CEP128: variants seen among roughly 807,000 people sequenced by gnomAD.
The protein encoded by CEP128 is centrosomal protein 128, also known as centrosomal protein 128kDa.
In CEP128, 132 loss-of-function variants were observed where a neutral mutation model predicts 156.7. The observed-to-expected ratio is 0.84, with a 90% CI of 0.73 to 0.97. The LOEUF (loss-of-function observed/expected upper bound fraction) is 0.97. Ranked by LOEUF, CEP128 falls within the 50% of genes least tolerant of loss-of-function variation. CEP128 has a pLI of 0.00. For missense variants in CEP128, 1,252 were observed against 1,281.9 expected (o/e 0.98, Z 0.36); for synonymous variants, 469 against 448.9 (o/e 1.04, Z -0.57).
At position 80,759,961 on chromosome 14, in the gene CEP128, C is replaced by T. The variant is rs150426008; in HGVS notation, c.2553+1476G>A. On this transcript the variant is annotated intron_variant, in intron 17 of 24. Coordinates refer to ENST00000555265, the MANE Select transcript of CEP128 (RefSeq NM_152446.5). ...ACATATATATATCTTACAACATGAT[C>T]CAAATGTTTCCATTTTACCTTCCTA... Among the ~76,000 whole-genome samples, 1,029 of 151,450 alleles carry T rather than the reference C, an allele frequency of 6.8e-3. 12 individuals are homozygous for T. The highest frequency in any genetic ancestry group is 0.024 in the African/African-American group (974 of 41,270).
chr14:80,852,691 A>G (rs1377946964), intron 9 of CEP128, among the ~76,000 whole-genome samples: 1 of 151,980 alleles, frequency 6.6e-6, no homozygotes, highest in African/African-American at 2.4e-5. Flanking sequence ...CACCAAAAAG[A>G]TATTAGACAC....
chr14:80,660,129 G>A (rs957509488), intron 19 of CEP128, among the ~76,000 whole-genome samples: 8 of 152,106 alleles, frequency 5.3e-5, no homozygotes, highest in African/African-American at 1.9e-4. Context: ...ACCATCATAA[G>A]TTTATTTTAT....
At chr14:80,944,776 C>T (rs1439839027), upstream of CEP128, among the ~76,000 whole-genome samples, 13 of 126,676 alleles carry the variant, frequency 1.0e-4, no homozygotes, top group Admixed American at 7.6e-4. Flanking sequence ...GAGCCGAGAT[C>T]GTGCCACTGC....
chr14:80,604,597 C>A (rs185758306), intron 19 of CEP128, among the ~76,000 whole-genome samples: 73 of 152,244 alleles, frequency 4.8e-4, no homozygotes, highest in Non-Finnish European at 9.0e-4. Flanking sequence ...CAGCTTAAAA[C>A]GTATCCTCGG....
intron 9 of CEP128, among the ~76,000 whole-genome samples, chr14:80,849,637 T>A (rs7143407): frequency 0.32 from 48,312 of 151,852 alleles, 8,704 homozygotes; most frequent in Non-Finnish European, 0.4. Context: ...TAATATTTTT[T>A]AAAAAGGGAT....
intron 19 of CEP128, among the ~76,000 whole-genome samples, chr14:80,640,253 T>C (rs143827302): frequency 1.1e-3 from 172 of 152,234 alleles, no homozygotes; most frequent in African/African-American, 4.1e-3. Flanking sequence ...AAACCAGAGA[T>C]AAAGGGAAAA....
intron 13 of CEP128, among the ~76,000 whole-genome samples, chr14:80,815,663 G>C (rs904108060): frequency 1.3e-5 from 2 of 152,226 alleles, no homozygotes; most frequent in Non-Finnish European, 2.9e-5. Flanking sequence ...TAAGGAATCA[G>C]TGTACATGTC....
intron 16 of CEP128, among the ~76,000 whole-genome samples, chr14:80,775,635 G>A (rs1244376973): frequency 6.6e-6 from 1 of 152,146 alleles, no homozygotes; most frequent in African/African-American, 2.4e-5. Context: ...CAACAAACAT[G>A]TATCTTATCT....
At chr14:80,536,834 C>A (rs984809426) in intron 21 of CEP128, among the ~76,000 whole-genome samples, 4 of 152,162 alleles carry the variant, frequency 2.6e-5, no homozygotes, top group Non-Finnish European at 5.9e-5. Flanking sequence ...GAGGAGTCCT[C>A]TATTTCTAGA....
At chr14:80,689,313 A>G (rs942587433) in intron 19 of CEP128, among the ~76,000 whole-genome samples, 37 of 143,010 alleles carry the variant, frequency 2.6e-4, no homozygotes, top group African/African-American at 7.6e-4. Flanking sequence ...AAAAAAAAAA[A>G]AGAGAAATGC....
At chr14:80,613,254 A>G (rs1893071447) in intron 19 of CEP128, among the ~76,000 whole-genome samples, 1 of 151,278 alleles carries the variant, frequency 6.6e-6, no homozygotes, top group African/African-American at 2.4e-5. Context: ...CAAATATACA[A>G]CAACTGCCGT....
chr14:80,812,272 T>C (rs1884601316), intron 13 of CEP128, among the ~76,000 whole-genome samples: 1 of 152,238 alleles, frequency 6.6e-6, no homozygotes, highest in African/African-American at 2.4e-5. Flanking sequence ...CCATGGTGTA[T>C]ATGTACCACA....
intron 24 of CEP128, among the ~76,000 whole-genome samples, chr14:80,501,598 G>A (rs928969263): frequency 3.3e-5 from 5 of 151,602 alleles, no homozygotes; most frequent in Admixed American, 1.3e-4. Context: ...TCCGCCTCCC[G>A]GGTTCAAGCG....
chr14:80,934,360 A>T (rs1021081328), intron 2 of CEP128, among the ~76,000 whole-genome samples: 2 of 152,234 alleles, frequency 1.3e-5, no homozygotes, highest in African/African-American at 2.4e-5. Context: ...TCAACAGGAA[A>T]TGTTTTTTAA....
chr14:80,610,564 G>A (rs1235864006), intron 19 of CEP128, among the ~76,000 whole-genome samples: 2 of 151,998 alleles, frequency 1.3e-5, no homozygotes, highest in Non-Finnish European at 2.9e-5. Flanking sequence ...GGTATTATAT[G>A]GGAAAACATA....
intron 2 of CEP128, among the ~76,000 whole-genome samples, chr14:80,948,609 A>G (rs1886395942): frequency 1.3e-5 from 2 of 152,250 alleles, no homozygotes; most frequent in South Asian, 4.1e-4. Context: ...AAATTGCCAA[A>G]CACCACTTTC....
intron 13 of CEP128, among the ~76,000 whole-genome samples, chr14:80,804,619 G>C (rs986264408): frequency 2.0e-5 from 3 of 152,062 alleles, no homozygotes; most frequent in African/African-American, 7.2e-5. Flanking sequence ...ATACCACAGT[G>C]AGAAAAATAG....
chr14:80,711,343 CTGTG>C (rs138055670), intron 19 of CEP128, among the ~76,000 whole-genome samples: 3 of 134,828 alleles, frequency 2.2e-5, no homozygotes, highest in South Asian at 2.3e-4. Flanking sequence ...GTCTATATGT[CTGTG>C]TGTGTGTGTA....
At chr14:80,826,236 C>T (rs904972376) in intron 13 of CEP128, among the ~76,000 whole-genome samples, 1 of 151,914 alleles carries the variant, frequency 6.6e-6, no homozygotes, top group African/African-American at 2.4e-5. Context: ...ACCTCATTTC[C>T]ACTAGATACC....
Sources: allele counts gnomAD v4.1 joint callset (sites outside exome capture counted in the v4.1 genomes callset), GRCh38; gene constraint gnomAD v4.1.1; transcripts MANE v1.5; gene names NCBI Gene and HGNC (gene_info 2026-07-23, HGNC 2026-07-21).